EYA3: variants seen among roughly 807,000 people sequenced by gnomAD.
EYA3 encodes protein phosphatase EYA3.
In EYA3, 39 loss-of-function variants were observed where a neutral mutation model predicts 80.0. That is an observed-to-expected ratio of 0.49 (90% CI 0.38 to 0.64). The LOEUF is 0.64. EYA3 is among the 30% of genes least tolerant of loss of function. The probability of loss-of-function intolerance (pLI) is 0.00; values close to 1 mark genes in which losing one functional copy is unlikely to be tolerated. For missense variants in EYA3, 523 were observed against 676.1 expected, an observed-to-expected ratio of 0.77 and a Z score of 2.51; for synonymous variants, 206 against 232.8, an observed-to-expected ratio of 0.88 and a Z score of 1.05.
At chr1:28,018,763 T>C (rs2148808644) in intron 7 of EYA3, among the ~76,000 whole-genome samples, 1 of 152,322 alleles carries the variant, frequency 6.6e-6, no homozygotes, top group Non-Finnish European at 1.5e-5. Flanking sequence ...AAGTAACTTG[T>C]CCACAGCAGC....
chr1:28,072,787 C>T (rs1382866817), intron 1 of EYA3, among the ~76,000 whole-genome samples: 19 of 151,926 alleles, frequency 1.3e-4, no homozygotes, highest in Non-Finnish European at 2.9e-5. Context: ...TAAATGTGTA[C>T]AGTAGCTTGT....
chr1:28,051,491 C>T (rs1295044300), intron 2 of EYA3, among the ~76,000 whole-genome samples: 2 of 152,124 alleles, frequency 1.3e-5, no homozygotes, highest in African/African-American at 4.8e-5. Context: ...AGTCCGAGAC[C>T]AGGCTGGCCA....
chr1:28,025,953 T>C (rs1269112150), intron 7 of EYA3, among the ~76,000 whole-genome samples: 2 of 152,044 alleles, frequency 1.3e-5, no homozygotes, highest in African/African-American at 2.4e-5. Flanking sequence ...GAGACGGGGT[T>C]TCTCCATGTT....
chr1:28,069,300 A>C (rs764499274), intron 1 of EYA3, among the ~76,000 whole-genome samples: 2 of 150,980 alleles, frequency 1.3e-5, no homozygotes, highest in Non-Finnish European at 3.0e-5. Context: ...TAGTAGAGAC[A>C]GTCTCACCAT....
intron 1 of EYA3, among the ~76,000 whole-genome samples, chr1:28,068,295 G>C (rs1173326461): frequency 3.4e-5 from 5 of 148,680 alleles, no homozygotes; most frequent in African/African-American, 1.2e-4. Context: ...TCGCACCACC[G>C]CACTCCAGCC....
In EYA3 at chr1:28,045,400, A is replaced by G. The variant is rs145128830; in HGVS notation, c.78-2750T>C. Among the ~76,000 whole-genome samples, 311 of 152,342 alleles carry G rather than the reference A, an allele frequency of 2.0e-3. 1 individual carries two copies. The highest frequency in any genetic ancestry group is 7.2e-3 in the African/African-American group (300 of 41,578). ...CTGAACCAGAATTTTCCTGACATCA[A>G]TAACTAGTTTGACTTCTACATGTAC... On this transcript the variant is annotated intron_variant, in intron 3 of 17. Coordinates refer to ENST00000373871, the MANE Select transcript of EYA3 (RefSeq NM_001990.4).
intron 1 of EYA3, among the ~76,000 whole-genome samples, chr1:28,078,433 A>G (rs985695097): frequency 1.3e-5 from 2 of 152,122 alleles, no homozygotes; most frequent in Non-Finnish European, 2.9e-5. Context: ...AGTCACAAAC[A>G]CTCTCAGGAG....
chr1:28,020,351 TCCAACTAAG>T (rs1307261058), intron 7 of EYA3, among the ~76,000 whole-genome samples: 2 of 152,112 alleles, frequency 1.3e-5, no homozygotes, highest in African/African-American at 4.8e-5. Flanking sequence ...CACTTTTTTC[TCCAACTAAG>T]CCAAATTATT....
At chr1:28,021,074 A>G (rs556947651) in intron 7 of EYA3, among the ~76,000 whole-genome samples, 52 of 152,226 alleles carry the variant, frequency 3.4e-4, no homozygotes, top group Non-Finnish European at 6.3e-4. Context: ...CAAAGTTAAA[A>G]GTTTAATTCA....
At chr1:28,070,479 T>C (rs1222200723) in intron 1 of EYA3, among the ~76,000 whole-genome samples, 4 of 152,014 alleles carry the variant, frequency 2.6e-5, no homozygotes, top group African/African-American at 7.2e-5. Flanking sequence ...GAAGAATCAC[T>C]TGAACCCAGG....
intron 2 of EYA3, among the ~76,000 whole-genome samples, chr1:28,057,629 A>G (rs931111691): frequency 6.6e-6 from 1 of 152,146 alleles, no homozygotes; most frequent in Non-Finnish European, 1.5e-5. Flanking sequence ...CACTACTACT[A>G]CTTTTTAAAA....
intron 1 of EYA3, among the ~76,000 whole-genome samples, chr1:28,080,658 C>CA (rs1645389834): frequency 7.1e-6 from 1 of 139,906 alleles, no homozygotes; most frequent in Non-Finnish European, 1.5e-5. Context: ...GCCACTTTAT[C>CA]AGAAAAAAAA....
At chr1:28,008,300 G>T (rs931600091) in intron 10 of EYA3, among the ~76,000 whole-genome samples, 3 of 151,788 alleles carry the variant, frequency 2.0e-5, no homozygotes, top group African/African-American at 7.3e-5. Context: ...TCAAAATGGA[G>T]AACAGCCTAA....
chr1:27,976,624 A>G (rs1638941026), intron 17 of EYA3, among the ~76,000 whole-genome samples: 1 of 152,234 alleles, frequency 6.6e-6, no homozygotes, highest in Non-Finnish European at 1.5e-5. Flanking sequence ...AGCAAGGACT[A>G]GAGAGACTTC....
intron 6 of EYA3, among the ~76,000 whole-genome samples, chr1:28,035,281 A>C (rs574537502): frequency 7.2e-5 from 11 of 152,340 alleles, no homozygotes; most frequent in South Asian, 6.2e-4. Context: ...AAGTAAGTCA[A>C]ATCAATAGCA....
At chr1:28,063,717 A>G (rs1222825181) in intron 1 of EYA3, among the ~76,000 whole-genome samples, 2 of 152,250 alleles carry the variant, frequency 1.3e-5, no homozygotes, top group East Asian at 3.8e-4. Context: ...TTCAAAGAGC[A>G]GTGAAGTCTG....
chr1:28,000,072 C>A, intron 11 of EYA3, 23 bp from the exon 12 acceptor site: 2 of 1,548,298 alleles, frequency 1.3e-6, no homozygotes, highest in Non-Finnish European at 8.8e-7. Context: ...AAGAAAAAAT[C>A]AGCTTGACTT....
At chr1:28,051,952 C>CA (rs1644265740) in intron 2 of EYA3, among the ~76,000 whole-genome samples, 1 of 133,426 alleles carries the variant, frequency 7.5e-6, no homozygotes, top group Admixed American at 7.3e-5. Flanking sequence ...ATAGCTAAAA[C>CA]AATCTTGAAA....
At chr1:27,993,818 G>A (rs894922786) in intron 13 of EYA3, among the ~76,000 whole-genome samples, 4 of 152,208 alleles carry the variant, frequency 2.6e-5, no homozygotes, top group Non-Finnish European at 5.9e-5. Context: ...CTTAGAGGTT[G>A]ACTTGGGATA....
Sources: gnomAD v4.1 joint callset for allele counts (sites outside exome capture counted in the v4.1 genomes callset) on GRCh38, gnomAD v4.1.1 for gene constraint, MANE v1.5 for transcripts, NCBI Gene and HGNC (gene_info 2026-07-23, HGNC 2026-07-21) for gene names.